TMEM204: variants seen among roughly 807,000 people sequenced by gnomAD.
TMEM204 encodes transmembrane protein 204, also known as claudin-like protein 24.
TMEM204 carries 15 observed loss-of-function variants against 19.4 expected under a neutral mutation model. The ratio of observed to expected loss-of-function variants is 0.77; its 90% CI spans 0.52 to 1.19. The LOEUF is 1.19. Among genes scored for constraint, TMEM204 ranks in the 50% most tolerant of loss-of-function variants. The pLI, the probability that TMEM204 is intolerant of heterozygous loss-of-function variation, is 0.00. For synonymous variants in TMEM204, 161 were observed against 146.0 expected (o/e 1.10, Z -0.74); for missense variants, 287 against 321.2 (o/e 0.89, Z 0.81).
At chr16:1,541,719 A>G (rs1239971015) in intron 1 of TMEM204, among the ~76,000 whole-genome samples, 1 of 152,014 alleles carries the variant, frequency 6.6e-6, no homozygotes, top group Non-Finnish European at 1.5e-5. Flanking sequence ...AACCCTTCCC[A>G]TCAGGAAGAC....
Position 1,555,304 on chromosome 16 carries a change from T to C in TMEM204, c.*278T>C. ...GCACTTCAGGGTGGAAGCTGGAAGC[T>C]GAGACACAGGTTAGGTGGCGCGAGG... On this transcript the variant is annotated 3_prime_UTR_variant, in exon 3 of 3. Transcript: ENST00000566264. The C allele has an allele frequency of 2.2e-6, 1 of 451,864 alleles. No homozygotes were observed. Among genetic ancestry groups the C allele is most frequent in the Non-Finnish European group, 4.0e-6 (1 of 251,916 alleles). 28.0% of individuals were successfully genotyped at this position (451,864 alleles called of 1,614,324 possible).
chr16:1,529,581 G>A (rs116085678), upstream of TMEM204, among the ~76,000 whole-genome samples: 408 of 152,346 alleles, frequency 2.7e-3, 2 homozygotes, highest in African/African-American at 9.1e-3. Context: ...ACAGGGAGAG[G>A]CCTGAGCACC....
At chr16:1,539,867 C>A (rs893674379) in intron 1 of TMEM204, among the ~76,000 whole-genome samples, 13 of 152,220 alleles carry the variant, frequency 8.5e-5, no homozygotes, top group African/African-American at 2.9e-4. Context: ...CCGGGGACCC[C>A]GTGCCCCAGG....
intron 2 of TMEM204, among the ~76,000 whole-genome samples, chr16:1,554,426 A>G (rs1170910874): frequency 1.3e-5 from 2 of 152,216 alleles, no homozygotes; most frequent in African/African-American, 2.4e-5. Context: ...TGTTGCAAGC[A>G]TCAGTGCTGA....
chr16:1,543,931 T>C (rs530460134), intron 2 of TMEM204, among the ~76,000 whole-genome samples: 1 of 152,332 alleles, frequency 6.6e-6, no homozygotes, highest in Admixed American at 6.5e-5. Flanking sequence ...AATAAAGATA[T>C]TTTAGCGGCA....
chr16:1,540,854 G>C, intron 1 of TMEM204: 1 of 985,462 alleles, frequency 1.0e-6, no homozygotes, highest in Non-Finnish European at 1.2e-6. Context: ...GGCGATGACA[G>C]GCTAGGGACT....
intron 2 of TMEM204, among the ~76,000 whole-genome samples, chr16:1,548,846 C>A (rs1018198079): frequency 6.6e-6 from 1 of 152,248 alleles, no homozygotes; most frequent in African/African-American, 2.4e-5. Flanking sequence ...AGCAGCACAG[C>A]GAGGCATGTA....
At chr16:1,544,857 C>T (rs2032026736) in intron 2 of TMEM204, among the ~76,000 whole-genome samples, 1 of 151,974 alleles carries the variant, frequency 6.6e-6, no homozygotes, top group Non-Finnish European at 1.5e-5. Context: ...ACCGTGTTAG[C>T]CAGGATGGTC....
At chr16:1,530,687 G>A (rs549876463), upstream of TMEM204, 2 of 149,264 alleles carry the variant, frequency 1.3e-5, no homozygotes, top group South Asian at 2.1e-4. Context: ...TCTCCCACGC[G>A]GAGGCCACCC....
At chr16:1,552,590 T>TC (rs2032744495) in intron 2 of TMEM204, among the ~76,000 whole-genome samples, 3 of 151,492 alleles carry the variant, frequency 2.0e-5, no homozygotes, top group Admixed American at 2.0e-4. Context: ...GAGGGCACAT[T>TC]CCGCACTGGT....
chr16:1,540,908 A>G (rs1463883417), intron 1 of TMEM204: 5 of 985,312 alleles, frequency 5.1e-6, no homozygotes, highest in Middle Eastern at 5.2e-4. Flanking sequence ...CTCCAGGCTG[A>G]GTGTCTGTCA....
At chr16:1,546,645 C>T (rs1176840855) in intron 2 of TMEM204, among the ~76,000 whole-genome samples, 3 of 152,194 alleles carry the variant, frequency 2.0e-5, no homozygotes, top group Non-Finnish European at 2.9e-5. Flanking sequence ...CTGTCTCCCT[C>T]GGGGGCGCAA....
Position 1,551,377 on chromosome 16 carries a change from T to C in TMEM204, c.437-3405T>C, listed in dbSNP as rs1255491416. On this transcript the variant is annotated intron_variant, in intron 2 of 2. Coordinates refer to ENST00000566264, the MANE Select transcript of TMEM204 (RefSeq NM_024600.6). The surrounding 1 kb of genome is among the most constrained non-coding windows in gnomAD (Gnocchi z 4.0). Reference sequence around the variant, plus strand: ...CCAGGGCCAGTCAAGCCGGGGACAGTGGCACGAGGAGAAGCCCAGAGTAGG... The same window carrying C: ...CCAGGGCCAGTCAAGCCGGGGACAGCGGCACGAGGAGAAGCCCAGAGTAGG... Among the ~76,000 whole-genome samples, 1 of 151,786 alleles carries C rather than the reference T, an allele frequency of 6.6e-6. No homozygotes were observed.
chr16:1,551,113 T>C lies in TMEM204; in HGVS notation c.437-3669T>C, dbSNP rs921673734. 2.1e-4 allele frequency among the ~76,000 whole-genome samples: 32 copies of C among 152,224 alleles called. No homozygotes were observed. The highest frequency in any genetic ancestry group is 7.2e-4 in the African/African-American group (30 of 41,454). On this transcript the variant is annotated intron_variant, in intron 2 of 2. Coordinates refer to ENST00000566264, the MANE Select transcript of TMEM204 (RefSeq NM_024600.6). The surrounding 1 kb of genome is among the most constrained non-coding windows in gnomAD (Gnocchi z 4.0). ...CAGCTCCACACTGCATTCTGTTCTG[T>C]TTCACGTCTACTTTGGTCTCCTCAA... is the stretch of plus-strand genomic sequence containing the variant.
upstream of TMEM204, chr16:1,531,405 CG>C (rs1387269904): frequency 1.3e-5 from 2 of 152,226 alleles, no homozygotes; most frequent in Admixed American, 6.5e-5. This position sits in a 1 kb window ranked among gnomAD's most constrained non-coding sequence, Gnocchi z 4.7. Context: ...TTGCCGAGGC[CG>C]CCCCCTCCCT....
chr16:1,539,047 A>G (rs1255279313), intron 1 of TMEM204, among the ~76,000 whole-genome samples: 1 of 147,860 alleles, frequency 6.8e-6, no homozygotes, highest in Non-Finnish European at 1.5e-5. Context: ...ACAGTGCCAG[A>G]TGGCCCCACG....
chr16:1,530,711 G>C (rs767228456), upstream of TMEM204: 1 of 151,372 alleles, frequency 6.6e-6, no homozygotes, highest in Admixed American at 6.6e-5. Flanking sequence ...GGGAGCGGGA[G>C]AGAGCCCGCC....
chr16:1,546,565 C>T (rs2032190035), intron 2 of TMEM204, among the ~76,000 whole-genome samples: 1 of 152,242 alleles, frequency 6.6e-6, no homozygotes, highest in South Asian at 2.1e-4. Flanking sequence ...AACATGCATG[C>T]TGAGAAGCTT....
chr16:1,546,218 G>C (rs1472241985), intron 2 of TMEM204, among the ~76,000 whole-genome samples: 2 of 152,244 alleles, frequency 1.3e-5, no homozygotes, highest in Admixed American at 1.3e-4. Flanking sequence ...GCCACAGCAT[G>C]ACCCTGGCAC....
Sources: allele counts gnomAD v4.1 joint callset (sites outside exome capture counted in the v4.1 genomes callset), GRCh38; gene constraint gnomAD v4.1.1; non-coding constraint Gnocchi (gnomAD v3.1); transcripts MANE v1.5; gene names NCBI Gene and HGNC (gene_info 2026-07-23, HGNC 2026-07-21).